Variants in CDIN1 observed in about 807,000 individuals in gnomAD.
CDIN1 encodes the protein CDAN1-interacting nuclease 1.
A neutral mutation model predicts 45.3 loss-of-function variants in CDIN1; 33 were observed. That is an observed-to-expected ratio of 0.73 (90% CI 0.55 to 0.97). The LOEUF is 0.97. CDIN1 is among the 50% of genes least tolerant of loss of function. The pLI is 0.00. For synonymous variants in CDIN1, 118 were observed against 124.4 expected, an observed-to-expected ratio of 0.95 and a Z score of 0.34; for missense variants, 303 against 339.4, an observed-to-expected ratio of 0.89 and a Z score of 0.84.
intron 1 of CDIN1, chr15:36,618,292 T>C: frequency 1.5e-6 from 1 of 666,982 alleles, no homozygotes; most frequent in South Asian, 1.8e-5. Context: ...ATTGAACAGA[T>C]CTAGTTCAAA....
chr15:36,801,479 A>G (rs756336019), intron 10 of CDIN1, among the ~76,000 whole-genome samples: 2 of 151,088 alleles, frequency 1.3e-5, no homozygotes, highest in Non-Finnish European at 2.9e-5. Flanking sequence ...GGCATACTGT[A>G]TCACCCTGTT....
At chr15:36,726,925 T>C (rs898860916) in intron 10 of CDIN1, among the ~76,000 whole-genome samples, 88 of 152,332 alleles carry the variant, frequency 5.8e-4, no homozygotes, top group African/African-American at 2.1e-3. Flanking sequence ...TACACAAGTA[T>C]AAATTTACCC....
chr15:36,659,092 C>T (rs1207225009), intron 5 of CDIN1, among the ~76,000 whole-genome samples: 3 of 152,126 alleles, frequency 2.0e-5, no homozygotes, highest in African/African-American at 7.2e-5. Flanking sequence ...CTTCTGATTG[C>T]TTTGGACCTA....
intron 10 of CDIN1, among the ~76,000 whole-genome samples, chr15:36,791,461 A>G (rs2141088991): frequency 6.6e-6 from 1 of 152,314 alleles, no homozygotes; most frequent in Non-Finnish European, 1.5e-5. Flanking sequence ...GAGTCTTTTT[A>G]CCATTTTGTT....
intron 10 of CDIN1, among the ~76,000 whole-genome samples, chr15:36,792,545 T>C (rs1181216297): frequency 6.6e-6 from 1 of 150,982 alleles, no homozygotes; most frequent in Non-Finnish European, 1.5e-5. Context: ...GCCCTCAGTA[T>C]AGTTTTCAAT....
chr15:36,777,858 G>A (rs1046551798), intron 10 of CDIN1, among the ~76,000 whole-genome samples: 5 of 152,140 alleles, frequency 3.3e-5, no homozygotes, highest in African/African-American at 7.2e-5. Flanking sequence ...CCATCTGCCC[G>A]CCTCGGCCTC....
chr15:36,775,764 G>A (rs1273353813), intron 10 of CDIN1, among the ~76,000 whole-genome samples: 1 of 152,132 alleles, frequency 6.6e-6, no homozygotes, highest in Non-Finnish European at 1.5e-5. Flanking sequence ...TTTTCTAAAT[G>A]TATAAATATG....
At chr15:36,678,669 A>G (rs1026373141) in intron 5 of CDIN1, among the ~76,000 whole-genome samples, 1 of 152,168 alleles carries the variant, frequency 6.6e-6, no homozygotes, top group Non-Finnish European at 1.5e-5. Flanking sequence ...GCTGCCATCC[A>G]GTACACAATC....
intron 3 of CDIN1, among the ~76,000 whole-genome samples, chr15:36,653,763 T>C (rs1474262575): frequency 2.0e-5 from 3 of 152,238 alleles, no homozygotes; most frequent in Non-Finnish European, 4.4e-5. Context: ...TTCTTTCCTT[T>C]CCATGCAATG....
At chr15:36,643,807 A>G (rs2040205206) in intron 1 of CDIN1, among the ~76,000 whole-genome samples, 1 of 152,206 alleles carries the variant, frequency 6.6e-6, no homozygotes, top group African/African-American at 2.4e-5. Flanking sequence ...ACTTCTAGTA[A>G]AGACCAAAGT....
chr15:36,675,972 G>A (rs1416326367), intron 5 of CDIN1, among the ~76,000 whole-genome samples: 2 of 151,992 alleles, frequency 1.3e-5, no homozygotes, highest in Non-Finnish European at 2.9e-5. Flanking sequence ...ACCTAATAAA[G>A]TGCAAGAAAG....
At chr15:36,723,474 T>C (rs1595521273) in intron 10 of CDIN1, among the ~76,000 whole-genome samples, 1 of 152,196 alleles carries the variant, frequency 6.6e-6, no homozygotes, top group South Asian at 2.1e-4. Context: ...TAAAGCCATA[T>C]TGAACTCAAC....
At chr15:36,580,070 C>G (rs2036971570) in intron 1 of CDIN1, 109 bp downstream of exon 1, 5 of 928,600 alleles carry the variant, frequency 5.4e-6, no homozygotes, top group Non-Finnish European at 8.1e-6. Context: ...GGGAGGAACA[C>G]CAGTGTCAGG....
At chr15:36,747,406 T>C (rs542925501) in intron 10 of CDIN1, among the ~76,000 whole-genome samples, 6 of 152,320 alleles carry the variant, frequency 3.9e-5, no homozygotes, top group African/African-American at 1.4e-4. Flanking sequence ...TCCATGCTCT[T>C]TTTTATAAGT....
At chr15:36,726,573 G>T (rs2043634238) in intron 10 of CDIN1, among the ~76,000 whole-genome samples, 1 of 152,154 alleles carries the variant, frequency 6.6e-6, no homozygotes, top group African/African-American at 2.4e-5. Context: ...TATCTACATA[G>T]GAATAGTTGA....
At chr15:36,707,042 C>T (rs895696043) in intron 8 of CDIN1, 8 of 152,028 alleles carry the variant, frequency 5.3e-5, no homozygotes, top group African/African-American at 1.7e-4. Flanking sequence ...GTTGTTACCT[C>T]GTCCTTTCTT....
At chr15:36,778,856 TTC>T in intron 10 of CDIN1, among the ~76,000 whole-genome samples, 1 of 152,234 alleles carries the variant, frequency 6.6e-6, no homozygotes, top group South Asian at 2.1e-4. Flanking sequence ...ATATTTAAGA[TTC>T]CTTTTCTGCA....
chr15:36,746,230 T>G (rs903868244), intron 10 of CDIN1, among the ~76,000 whole-genome samples: 3 of 152,152 alleles, frequency 2.0e-5, no homozygotes, highest in Non-Finnish European at 4.4e-5. Context: ...TTTGTGGGGC[T>G]CTTTGCTTTT....
At chr15:36,647,322 G>A (rs2040374974) in intron 3 of CDIN1, among the ~76,000 whole-genome samples, 1 of 152,108 alleles carries the variant, frequency 6.6e-6, no homozygotes, top group African/African-American at 2.4e-5. Flanking sequence ...ACTGTGCCTG[G>A]CCCAGAAATA....
Sources: gnomAD v4.1 joint callset for allele counts (sites outside exome capture counted in the v4.1 genomes callset) on GRCh38, gnomAD v4.1.1 for gene constraint, MANE v1.5 for transcripts, NCBI Gene and HGNC (gene_info 2026-07-23, HGNC 2026-07-21) for gene names.